The following LRRC37A3 variants were observed in gnomAD, a reference collection of about 807,000 sequenced individuals.
LRRC37A3 encodes the protein leucine-rich repeat-containing protein 37A3.
Under a neutral mutation model 106.2 loss-of-function variants are expected in LRRC37A3, and 25 were observed. The ratio of observed to expected loss-of-function variants is 0.24; its 90% CI spans 0.17 to 0.33. LRRC37A3 has a LOEUF of 0.33. Ranked by LOEUF, LRRC37A3 falls within the 10% of genes least tolerant of loss-of-function variation. The pLI, the probability that LRRC37A3 is intolerant of heterozygous loss-of-function variation, is 1.00. For missense variants in LRRC37A3, 712 were observed against 1,644.9 expected, an observed-to-expected ratio of 0.43 and a Z score of 9.81; for synonymous variants, 305 against 635.8, an observed-to-expected ratio of 0.48 and a Z score of 7.83.
chr17:64,856,485 T>TCA (rs1972683138), intron 13 of LRRC37A3, among the ~76,000 whole-genome samples: 1 of 150,666 alleles, frequency 6.6e-6, no homozygotes, highest in African/African-American at 2.5e-5. Context: ...CCTGGCCCCA[T>TCA]GTAATTTAAG....
At chr17:64,914,039 T>G (rs1475375209) in intron 2 of LRRC37A3, among the ~76,000 whole-genome samples, 1 of 151,640 alleles carries the variant, frequency 6.6e-6, no homozygotes, top group Non-Finnish European at 1.5e-5. Flanking sequence ...CTCTACATTT[T>G]TTTTTAATTC....
rs1195709506 is a variant in LRRC37A3 at position 64,919,416 on chromosome 17, T to A, written c.-617+15A>T. On this transcript the variant is annotated intron_variant, in intron 1 of 14. Coordinates refer to ENST00000584306, the MANE Select transcript of LRRC37A3 (RefSeq NM_199340.5). ...TTGGAGGGAGAAGGCTCAATCCGAA[T>A]GGCTGGGGCCTCACTGCGGATCGCC... is the stretch of plus-strand genomic sequence containing the variant. 1 of 452,490 alleles carries A rather than the reference T, an allele frequency of 2.2e-6. No homozygotes were observed. The highest frequency in any genetic ancestry group is 3.9e-6 in the Non-Finnish European group (1 of 254,820). 28.0% of individuals were successfully genotyped at this position (452,490 alleles called of 1,614,324 possible).
At chr17:64,866,547 T>C (rs1252557676) in intron 10 of LRRC37A3, among the ~76,000 whole-genome samples, 3 of 124,418 alleles carry the variant, frequency 2.4e-5, no homozygotes, top group Non-Finnish European at 4.7e-5. Flanking sequence ...TATATATACA[T>C]ATATACACGT....
chr17:64,904,681 C>T (rs1362122553), intron 2 of LRRC37A3, among the ~76,000 whole-genome samples: 32 of 116,948 alleles, frequency 2.7e-4, no homozygotes, highest in South Asian at 1.4e-3. Flanking sequence ...CTTCCTCCTA[C>T]GCTTCTTGGC....
chr17:64,912,858 G>C (rs1974620704), intron 2 of LRRC37A3, among the ~76,000 whole-genome samples: 1 of 145,524 alleles, frequency 6.9e-6, no homozygotes, highest in Admixed American at 6.9e-5. Context: ...GACCAGCCTG[G>C]GCAACATGGC....
chr17:64,906,372 TTC>T, intron 2 of LRRC37A3, among the ~76,000 whole-genome samples: 1 of 26,554 alleles, frequency 3.8e-5, no homozygotes, highest in South Asian at 8.5e-4. Context: ...ACATCACCAG[TTC>T]TTTCTTATGT....
At chr17:64,913,046 C>T (rs535943871) in intron 2 of LRRC37A3, among the ~76,000 whole-genome samples, 50 of 149,756 alleles carry the variant, frequency 3.3e-4, no homozygotes, top group Non-Finnish European at 5.8e-4. Context: ...TTTTTTCCCC[C>T]GAGATGGAGT....
At chr17:64,915,621 CAAATGTGTAAAAGAAA>C (rs1427462535) in intron 2 of LRRC37A3, among the ~76,000 whole-genome samples, 4 of 152,112 alleles carry the variant, frequency 2.6e-5, no homozygotes, top group Admixed American at 2.0e-4. Flanking sequence ...AGATGAACAC[CAAATGTGTAAAAGAAA>C]AAATGTGGTA....
At chr17:64,917,851 C>T (rs1183874618) in intron 2 of LRRC37A3, among the ~76,000 whole-genome samples, 1 of 146,084 alleles carries the variant, frequency 6.8e-6, no homozygotes, top group Non-Finnish European at 1.5e-5. Flanking sequence ...GCCTGTAATC[C>T]CAGCCACTCA....
intron 8 of LRRC37A3, among the ~76,000 whole-genome samples, chr17:64,871,952 C>T (rs61150670): frequency 0.043 from 6,460 of 151,638 alleles, 503 homozygotes; most frequent in African/African-American, 0.15. Context: ...GCTAACAAGG[C>T]GAAACCCCGT....
At chr17:64,918,287 C>G (rs1358234912) in intron 2 of LRRC37A3, among the ~76,000 whole-genome samples, 2 of 150,558 alleles carry the variant, frequency 1.3e-5, no homozygotes, top group Non-Finnish European at 3.0e-5. Context: ...ATATCTGCAA[C>G]AGTTCCATTA....
In LRRC37A3 at chr17:64,918,970, G is replaced by A. The variant is rs539725980; in HGVS notation, c.-616-100C>T. 2.5e-3 allele frequency: 2,972 copies of A among 1,180,182 alleles called. 58 individuals are homozygous for A. The African/African-American group carries it at 0.042, about 17-fold the overall frequency. 73.1% of individuals were successfully genotyped at this position (1,180,182 alleles called of 1,614,324 possible). ...CCGGACCTGCAGCTGTCCGGGCCAG[G>A]TGGCTGCCCCCGCCTCCCCCCGGCC... On this transcript the variant is annotated intron_variant, in intron 1 of 14. Transcript: ENST00000584306.
chr17:64,865,257 C>G (rs1973023362), intron 10 of LRRC37A3, among the ~76,000 whole-genome samples: 1 of 152,190 alleles, frequency 6.6e-6, no homozygotes, highest in Non-Finnish European at 1.5e-5. Flanking sequence ...GATCCTCCCA[C>G]CTCAGCCTCC....
At chr17:64,877,251 G>A (rs925792946) in intron 8 of LRRC37A3, among the ~76,000 whole-genome samples, 1 of 152,138 alleles carries the variant, frequency 6.6e-6, no homozygotes, top group African/African-American at 2.4e-5. Flanking sequence ...GCCCAGGCTT[G>A]AGTGCAATGG....
chr17:64,868,693 G>A (rs951265823), intron 9 of LRRC37A3, among the ~76,000 whole-genome samples, 157 bp from the exon 10 acceptor site: 31 of 151,716 alleles, frequency 2.0e-4, no homozygotes, highest in African/African-American at 6.8e-4. Flanking sequence ...AAGTTGATTT[G>A]CATCATCAAA....
chr17:64,858,418 T>C (rs1273710575), intron 13 of LRRC37A3, among the ~76,000 whole-genome samples: 1 of 152,162 alleles, frequency 6.6e-6, no homozygotes, highest in African/African-American at 2.4e-5. Context: ...AGATTATACC[T>C]CTCTCATCAT....
chr17:64,861,300 T>A (rs547675052), intron 11 of LRRC37A3, among the ~76,000 whole-genome samples: 21 of 152,326 alleles, frequency 1.4e-4, no homozygotes, highest in African/African-American at 4.8e-4. Context: ...GCTTCCCTGA[T>A]GAGCTGGCCT....
At chr17:64,862,716 T>C (rs1207222875) in intron 11 of LRRC37A3, among the ~76,000 whole-genome samples, 184 bp downstream of exon 11, 2 of 152,184 alleles carry the variant, frequency 1.3e-5, no homozygotes, top group African/African-American at 2.4e-5. Flanking sequence ...AATTTTGTAA[T>C]AGTAACTGAG....
chr17:64,879,931 T>TA (rs1380619081), intron 8 of LRRC37A3, among the ~76,000 whole-genome samples: 2 of 152,218 alleles, frequency 1.3e-5, no homozygotes, highest in Non-Finnish European at 2.9e-5. Context: ...ATAATGACTG[T>TA]AAGGCAGTAT....
Sources: gnomAD v4.1 joint callset for allele counts (sites outside exome capture counted in the v4.1 genomes callset) on GRCh38, gnomAD v4.1.1 for gene constraint, MANE v1.5 for transcripts, NCBI Gene and HGNC (gene_info 2026-07-23, HGNC 2026-07-21) for gene names.